The following WDR47 variants were observed in gnomAD, a reference collection of about 807,000 sequenced individuals.
WDR47 encodes the protein WD repeat-containing protein 47.
In WDR47, 32 loss-of-function variants were observed where a neutral mutation model predicts 97.2. The ratio of observed to expected loss-of-function variants is 0.33; its 90% confidence interval spans 0.25 to 0.44. The LOEUF (loss-of-function observed/expected upper bound fraction) is 0.44, where lower values mean the gene tolerates loss of function less well. Among genes scored for constraint, WDR47 ranks in the 20% least tolerant of loss-of-function variants. WDR47 has a pLI of 1.00. For synonymous variants in WDR47, 375 were observed against 373.5 expected, an observed-to-expected ratio of 1.00 and a Z score of -0.05; for missense variants, 782 against 1,102.3, an observed-to-expected ratio of 0.71 and a Z score of 4.11.
chr1:108,997,611 T>A (rs992326708), intron 7 of WDR47, among the ~76,000 whole-genome samples: 1 of 149,702 alleles, frequency 6.7e-6, no homozygotes, highest in African/African-American at 2.5e-5. Flanking sequence ...AAAAAAAAAA[T>A]TAGCCAGGCG....
chr1:109,038,412 C>T (rs542840185), intron 1 of WDR47, among the ~76,000 whole-genome samples: 241 of 152,300 alleles, frequency 1.6e-3, no homozygotes, highest in African/African-American at 5.8e-3. Context: ...GGTGCAGTGG[C>T]TCATGCCTGT....
chr1:109,018,227 T>G (rs972580246), intron 2 of WDR47, among the ~76,000 whole-genome samples: 37 of 151,596 alleles, frequency 2.4e-4, no homozygotes, highest in Middle Eastern at 3.4e-3. Flanking sequence ...GGTGGGCAGA[T>G]CACCTGAGGT....
At chr1:109,025,939 T>C (rs1662185639) in intron 1 of WDR47, among the ~76,000 whole-genome samples, 1 of 152,186 alleles carries the variant, frequency 6.6e-6, no homozygotes, top group South Asian at 2.1e-4. Context: ...CAACTCCGCA[T>C]GCTTTAGGTT....
rs753534826 is a variant in WDR47, at chr1:109,011,258, T to G, written c.788A>C (p.Lys263Thr). The G allele has an allele frequency of 1.9e-6, 3 of 1,614,034 alleles. No individual in the cohort carries two copies. The Middle Eastern group carries it at 4.9e-4, about 265-fold the overall frequency. Residue 263 changes from lysine to threonine, a missense_variant, in exon 5 of 15, where the codon AAA becomes ACA. Coordinates refer to ENST00000369962, the MANE Select transcript of WDR47 (RefSeq NM_001142551.2). ...TTTGTCAACATGAATATTAAGCATTTTCTGTTCAAAAGCACAAGAGAAGAC... is the reference window on the plus strand; with the variant it reads ...TTTGTCAACATGAATATTAAGCATTGTCTGTTCAAAAGCACAAGAGAAGAC... ...SSVFSCAFEQ[K>T]MLNIHVDKLL... is the part of the protein sequence containing the mutation.
chr1:109,014,803 C>CT (rs1661299060), intron 3 of WDR47, among the ~76,000 whole-genome samples: 1 of 152,032 alleles, frequency 6.6e-6, no homozygotes, highest in East Asian at 1.9e-4. Context: ...CCTAACCTGT[C>CT]TAAGAATCAA....
chr1:109,020,337 T>C (rs757129733), intron 2 of WDR47, among the ~76,000 whole-genome samples: 20 of 151,518 alleles, frequency 1.3e-4, no homozygotes, highest in Non-Finnish European at 2.4e-4. Flanking sequence ...CTCGGCTCAC[T>C]GCAAGCTCTG....
chr1:108,995,595 G>A lies in WDR47; in HGVS notation c.1676C>T (p.Pro559Leu). The change falls in exon 8 of 15, where the codon CCT becomes CTT. Residue 559 changes from proline to leucine, a missense_variant. This residue lies in a region of WDR47 where 126 missense variants were observed against 121.3 expected (regional missense o/e 1.04). Transcript: ENST00000369962. ...AAGCACTTACATTTGGCTTCCACAA[G>A]GTGATTCCTCCAGAAAAGGTATGTG... ...TNHIPFLEES[P>L]CGSQISSEHS... The A allele has an allele frequency of 6.2e-7, 1 of 1,614,090 alleles. No homozygotes were observed. Among genetic ancestry groups the A allele is most frequent in the Non-Finnish European group, 8.5e-7 (1 of 1,179,972 alleles).
At chr1:109,001,303 C>G (rs2101899987) in intron 7 of WDR47, among the ~76,000 whole-genome samples, 1 of 151,658 alleles carries the variant, frequency 6.6e-6, no homozygotes, top group South Asian at 2.1e-4. Context: ...ATGAATAAAT[C>G]AATAAATTAA....
At chr1:109,002,561 T>G (rs1187684166) in intron 6 of WDR47, among the ~76,000 whole-genome samples, 159 bp from the exon 7 acceptor site, 2 of 152,240 alleles carry the variant, frequency 1.3e-5, no homozygotes, top group Non-Finnish European at 2.9e-5. Flanking sequence ...GTATGTGTCT[T>G]AATACTCAAG....
chr1:108,990,077 T>C (rs1409021942), intron 9 of WDR47, among the ~76,000 whole-genome samples: 1 of 152,226 alleles, frequency 6.6e-6, no homozygotes. Context: ...TTCTTGAAAA[T>C]CAGGTCAGGT....
rs1662644862 is a variant in WDR47 at position 109,032,165 on chromosome 1, T to A, written c.-9-8644A>T. Among the ~76,000 whole-genome samples the A allele has an allele frequency of 1.4e-5, 2 of 139,080 alleles. 1 individual carries two copies. The highest frequency in any genetic ancestry group is 5.2e-5 in the African/African-American group (2 of 38,738). The allele number at this position is 139,080 out of a possible 152,430, so 91.2% of individuals were successfully genotyped here. ...TTCTTTCCATATTCAAACCCAGAAATTTTTAAACAAGTATGTTTAAAATTA... is the reference window on the plus strand; with the variant it reads ...TTCTTTCCATATTCAAACCCAGAAAATTTTAAACAAGTATGTTTAAAATTA... On this transcript the variant is annotated intron_variant, in intron 1 of 14. Transcript: ENST00000369962.
intron 4 of WDR47, among the ~76,000 whole-genome samples, chr1:109,012,435 C>T (rs1267319207): frequency 1.3e-5 from 2 of 151,704 alleles, no homozygotes; most frequent in East Asian, 1.9e-4. Context: ...TAGCCAGGCA[C>T]AGTGGCGGGC....
chr1:109,013,809 A>G, intron 4 of WDR47, 32 bp downstream of exon 4: 1 of 1,606,522 alleles, frequency 6.2e-7, no homozygotes, highest in Non-Finnish European at 8.5e-7. Context: ...AAACAAGACT[A>G]GGGCGCAAAC....
chr1:108,985,259 C>T (rs1658692053), intron 10 of WDR47, among the ~76,000 whole-genome samples: 1 of 152,186 alleles, frequency 6.6e-6, no homozygotes, highest in South Asian at 2.1e-4. Context: ...AACTCAAGCT[C>T]ATAATTTTCC....
chr1:109,023,184 C>T (rs888534490), intron 2 of WDR47, among the ~76,000 whole-genome samples, 171 bp downstream of exon 2: 1 of 151,904 alleles, frequency 6.6e-6, no homozygotes, highest in Non-Finnish European at 1.5e-5. Context: ...GCCTGGGTGA[C>T]AGAGCAAGAC....
Position 109,011,313 on chromosome 1 carries a change from G to T in WDR47, c.733C>A (p.Leu245Met), listed in dbSNP as rs1229879916. ...NGCDDLDLSL[L>M]SWLQNLPSSV... ...GATGGAAGATTCTGAAGCCATGACA[G>T]TAAACTCAGATCCAAATCATCACAA... The change falls in exon 5 of 15, where the codon CTG becomes ATG. Residue 245 changes from leucine (L) to methionine (M), a missense_variant. By Grantham distance (15) the Leu-to-Met change is conservative. Coordinates refer to ENST00000369962, the MANE Select transcript of WDR47 (RefSeq NM_001142551.2). 1 of 1,614,214 alleles carries T rather than the reference G, an allele frequency of 6.2e-7. No homozygotes were observed. The highest frequency in any genetic ancestry group is 2.2e-5 in the East Asian group (1 of 44,886).
intron 8 of WDR47, chr1:108,992,459 T>A: frequency 6.3e-7 from 1 of 1,589,026 alleles, no homozygotes; most frequent in Non-Finnish European, 8.6e-7. Flanking sequence ...GTGTGTACCA[T>A]TCCGACGTTA....
chr1:109,010,887 T>G, intron 5 of WDR47, 29 bp downstream of exon 5: 1 of 1,578,576 alleles, frequency 6.3e-7, no homozygotes, highest in Non-Finnish European at 8.6e-7. Context: ...CGGCCTAAGA[T>G]TTCCTAATTT....
At chr1:108,984,154 T>G (rs1320274539) in intron 10 of WDR47, among the ~76,000 whole-genome samples, 2 of 152,106 alleles carry the variant, frequency 1.3e-5, no homozygotes, top group African/African-American at 2.4e-5. Context: ...AGTGATGTGG[T>G]GGGTGAGGCA....
Sources: allele counts gnomAD v4.1 joint callset (sites outside exome capture counted in the v4.1 genomes callset), GRCh38; gene constraint gnomAD v4.1.1; regional missense constraint gnomAD v4.1.1; transcripts MANE v1.5; gene names NCBI Gene and HGNC (gene_info 2026-07-23, HGNC 2026-07-21).